Variants in KLF8 observed in about 807,000 individuals in gnomAD.
The protein encoded by KLF8 is KLF transcription factor 8.
Under a neutral mutation model 18.2 loss-of-function variants are expected in KLF8, and 10 were observed. The ratio of observed to expected loss-of-function variants is 0.55; its 90% CI spans 0.34 to 0.93. The LOEUF is 0.93. Ranked by LOEUF, KLF8 falls within the 40% of genes least tolerant of loss-of-function variation. The pLI is 0.02. For missense variants in KLF8, 264 were observed against 277.9 expected (o/e 0.95, Z 0.36); for synonymous variants, 109 against 97.3 (o/e 1.12, Z -0.71).
the KLF8 span, among the ~76,000 whole-genome samples, chrX:55,968,218 A>C: frequency 9.0e-6 from 1 of 111,129 alleles, no homozygotes; most frequent in African/African-American, 3.3e-5. Flanking sequence ...CCAGGAATCA[A>C]ATAAAAAATG....
At chrX:55,948,964 A>T in the KLF8 span, among the ~76,000 whole-genome samples, 3 of 112,218 alleles carry the variant, frequency 2.7e-5, no homozygotes, top group African/African-American at 9.7e-5. Context: ...GCATTTTTAA[A>T]TAGATCATCA....
At chrX:56,161,734 A>T in the KLF8 span, among the ~76,000 whole-genome samples, 2 of 111,285 alleles carry the variant, frequency 1.8e-5, no homozygotes, top group Non-Finnish European at 3.8e-5. Flanking sequence ...TTTAGCTCAG[A>T]GTAGTTTGAT....
At position 56,283,461 on chromosome X, in the gene KLF8, T is replaced by C. The variant is rs1449991545; in HGVS notation, c.899-852T>C. 1.2e-4 allele frequency among the ~76,000 whole-genome samples: 13 copies of C among 111,924 alleles called. No homozygotes were observed. In the Admixed American group the frequency reaches 1.2e-3, roughly 11 times the overall value. On this transcript the variant is annotated intron_variant, in intron 5 of 5. Coordinates refer to ENST00000468660, the MANE Select transcript of KLF8 (RefSeq NM_007250.5). ...ATCTCGGCTCACTGCAAGCTCCGCT[T>C]CCCGGGTTCACGCCATTCTCCTGCC...
At chrX:56,073,369 G>A in the KLF8 span, among the ~76,000 whole-genome samples, 3 of 111,943 alleles carry the variant, frequency 2.7e-5, no homozygotes, top group East Asian at 8.4e-4. Flanking sequence ...TCCATTTTAT[G>A]TATATAACAC....
At chrX:56,146,004 A>G in the KLF8 span, among the ~76,000 whole-genome samples, 4 of 112,660 alleles carry the variant, frequency 3.6e-5, no homozygotes, top group Non-Finnish European at 7.5e-5. Context: ...CATCAAAACC[A>G]CAATGAGATA....
At chrX:56,034,941 G>C in the KLF8 span, among the ~76,000 whole-genome samples, 1 of 107,195 alleles carries the variant, frequency 9.3e-6, no homozygotes, top group African/African-American at 3.4e-5. Flanking sequence ...ATTTTTAGTA[G>C]AGACGGGGTT....
chrX:56,239,630 T>G (rs2066519241), intron 1 of KLF8, among the ~76,000 whole-genome samples: 1 of 111,936 alleles, frequency 8.9e-6, no homozygotes, highest in South Asian at 3.7e-4. Context: ...TGGTAAAGAC[T>G]TGATTATCAT....
At chrX:56,079,343 C>G in the KLF8 span, among the ~76,000 whole-genome samples, 2 of 110,700 alleles carry the variant, frequency 1.8e-5, no homozygotes, top group East Asian at 2.9e-4. Flanking sequence ...TATGTTGTGT[C>G]TTTGTTCTCG....
chrX:55,960,818 G>A, the KLF8 span, among the ~76,000 whole-genome samples: 1 of 111,457 alleles, frequency 9.0e-6, no homozygotes, highest in Non-Finnish European at 1.9e-5. Flanking sequence ...CATGATAACA[G>A]GACCAATTTC....
At chrX:56,010,490 A>T in the KLF8 span, among the ~76,000 whole-genome samples, 6 of 112,108 alleles carry the variant, frequency 5.4e-5, 1 homozygote, top group Admixed American at 5.7e-4. Flanking sequence ...AAAAGCCATT[A>T]CCAGCCACTA....
At chrX:56,183,369 G>A in the KLF8 span, among the ~76,000 whole-genome samples, 27 of 112,003 alleles carry the variant, frequency 2.4e-4, no homozygotes, top group Non-Finnish European at 3.4e-4. Context: ...ACTGTCTATC[G>A]CGGCTCCCCT....
chrX:56,192,911 G>T, the KLF8 span, among the ~76,000 whole-genome samples: 5 of 112,416 alleles, frequency 4.4e-5, no homozygotes, highest in Middle Eastern at 4.6e-3. Flanking sequence ...CAGGACTTTG[G>T]CCTGGGCAAA....
chrX:55,958,335 G>A, the KLF8 span, among the ~76,000 whole-genome samples: 1 of 111,900 alleles, frequency 8.9e-6, no homozygotes, highest in African/African-American at 3.2e-5. Flanking sequence ...AATATAAACT[G>A]GGTTGGGCAG....
the KLF8 span, among the ~76,000 whole-genome samples, chrX:56,058,134 G>A: frequency 2.1e-5 from 2 of 94,577 alleles, no homozygotes; most frequent in Admixed American, 1.2e-4. Context: ...GTCCCTCAGT[G>A]GCAACTGGGT....
At chrX:56,087,729 C>T in the KLF8 span, among the ~76,000 whole-genome samples, 6 of 112,051 alleles carry the variant, frequency 5.4e-5, no homozygotes, top group African/African-American at 1.9e-4. Flanking sequence ...TTTCTGTGAA[C>T]AGTTATTTTT....
At chrX:56,052,337 G>A in the KLF8 span, among the ~76,000 whole-genome samples, 3 of 112,261 alleles carry the variant, frequency 2.7e-5, no homozygotes, top group African/African-American at 9.7e-5. Context: ...TGGAGCAGGA[G>A]AGGTGCTCTG....
the KLF8 span, among the ~76,000 whole-genome samples, chrX:56,092,713 C>T: frequency 7.3e-5 from 8 of 109,906 alleles, no homozygotes; most frequent in African/African-American, 2.0e-4. Flanking sequence ...CAATGTGATG[C>T]CTCCAGCTTT....
chrX:56,187,125 G>T, the KLF8 span, among the ~76,000 whole-genome samples: 35 of 110,956 alleles, frequency 3.2e-4, no homozygotes, highest in Middle Eastern at 4.7e-3. Context: ...TAGACCACTA[G>T]CAAGACTAAT....
chrX:56,162,982 T>A, the KLF8 span, among the ~76,000 whole-genome samples: 1 of 112,383 alleles, frequency 8.9e-6, no homozygotes, highest in African/African-American at 3.2e-5. Flanking sequence ...ATTTTCTTTA[T>A]CCATTCTATC....
Sources: allele counts gnomAD v4.1 joint callset (sites outside exome capture counted in the v4.1 genomes callset), GRCh38; gene constraint gnomAD v4.1.1; transcripts MANE v1.5; gene names NCBI Gene and HGNC (gene_info 2026-07-23, HGNC 2026-07-21).